The following ZC3HAV1 variants were observed in gnomAD, a reference collection of about 807,000 sequenced individuals.
ZC3HAV1 encodes the protein zinc finger CCCH-type containing, antiviral 1.
A neutral mutation model predicts 86.6 loss-of-function variants in ZC3HAV1; 41 were observed. That is an observed-to-expected ratio of 0.47 (90% CI 0.37 to 0.61). The LOEUF is 0.61. Ranked by LOEUF, ZC3HAV1 falls within the 20% of genes least tolerant of loss-of-function variation. The pLI is 0.00. For synonymous variants in ZC3HAV1, 421 were observed against 432.1 expected (o/e 0.97, Z 0.32); for missense variants, 964 against 1,141.1 (o/e 0.84, Z 2.24).
chr7:139,073,334 A>G (rs1816836459), intron 7 of ZC3HAV1, among the ~76,000 whole-genome samples: 1 of 151,924 alleles, frequency 6.6e-6, no homozygotes, highest in Admixed American at 6.6e-5. Context: ...AAAAATTAAT[A>G]TATACTTTAA....
chr7:139,078,797 A>G (rs1217597303), intron 4 of ZC3HAV1, 144 bp from the exon 5 acceptor site: 4 of 720,754 alleles, frequency 5.5e-6, no homozygotes, highest in Non-Finnish European at 8.8e-6. Flanking sequence ...GCCCATGAGC[A>G]TCTAGACAGC....
intron 5 of ZC3HAV1, 95 bp from the exon 6 acceptor site, chr7:139,076,504 C>T: frequency 6.6e-7 from 1 of 1,512,502 alleles, no homozygotes; most frequent in Non-Finnish European, 9.0e-7. Flanking sequence ...CCATGCCTGC[C>T]CTGCCCCCTG....
intron 1 of ZC3HAV1, among the ~76,000 whole-genome samples, chr7:139,106,807 G>A (rs1192919890): frequency 6.7e-6 from 1 of 150,256 alleles, no homozygotes; most frequent in Non-Finnish European, 1.5e-5. Context: ...ATGTTTTAGA[G>A]ATACTAAAGT....
At position 139,061,875 on chromosome 7, in the gene ZC3HAV1, T is replaced by C. The variant is rs186330929; in HGVS notation, c.1994-737A>G. 1.9e-3 allele frequency among the ~76,000 whole-genome samples: 288 copies of C among 152,342 alleles called. 7 individuals are homozygous for C. The highest frequency in any genetic ancestry group is 4.1e-3 in the Admixed American group (63 of 15,300). On this transcript the variant is annotated intron_variant, in intron 8 of 12. Coordinates refer to ENST00000242351, the MANE Select transcript of ZC3HAV1 (RefSeq NM_020119.4). ...AATAGCCTTACAATAACTTATTACT[T>C]ATTCCTCAGTGATAAAAGAGGAACA...
chr7:139,062,267 T>C (rs1257360457), intron 8 of ZC3HAV1, among the ~76,000 whole-genome samples: 2 of 152,012 alleles, frequency 1.3e-5, no homozygotes, highest in South Asian at 2.1e-4. Flanking sequence ...AATCAGATCA[T>C]GCCACAACAC....
Position 139,079,841 on chromosome 7 carries a change from T to G in ZC3HAV1, c.1100A>C (p.Asn367Thr). 6.2e-7 allele frequency: 1 copy of G among 1,614,158 alleles called. No individual in the cohort carries two copies. The highest frequency in any genetic ancestry group is 8.5e-7 in the Non-Finnish European group (1 of 1,180,032). ...AGTCTTTCTCCTGGCGCCTTGGTCA[T>G]TCGTCCAGGATGTGAGGCTCTTCCA... The part of the protein sequence containing the change: ...PNWKSLTSWT[N>T]DQGARRKTVF... The change falls in exon 4 of 13, where the codon AAT becomes ACT. Residue 367 changes from asparagine to threonine, a missense_variant. Physicochemically the swap from Asn to Thr is moderately conservative, Grantham distance 65. Coordinates refer to ENST00000242351, the MANE Select transcript of ZC3HAV1 (RefSeq NM_020119.4).
rs181506113 is a variant in ZC3HAV1 at position 139,083,684 on chromosome 7, G to A, written c.697+96C>T. ...AGAGGTTGCAGTGAGCTGAGATCAC[G>A]CCACTGTACTCCAGCTTGGGTGACA... is the stretch of plus-strand genomic sequence containing the variant. On this transcript the variant is annotated intron_variant, in intron 3 of 12. Coordinates refer to ENST00000242351, the MANE Select transcript of ZC3HAV1 (RefSeq NM_020119.4). 54 of 1,435,166 alleles carry A rather than the reference G, an allele frequency of 3.8e-5. 1 individual carries two copies. In the East Asian group the frequency reaches 8.5e-4, roughly 23 times the overall value. The allele number at this position is 1,435,166 out of a possible 1,614,324, so 88.9% of individuals were successfully genotyped here.
Position 139,053,457 on chromosome 7 carries a change from C to T in ZC3HAV1, c.2443G>A (p.Gly815Arg), listed in dbSNP as rs868542175. The T allele has an allele frequency of 6.9e-6, 11 of 1,590,962 alleles. No individual in the cohort carries two copies. The highest frequency in any genetic ancestry group is 1.7e-4 in the Middle Eastern group (1 of 5,954). Residue 815 changes from glycine to arginine, a missense_variant, in exon 12 of 13, where the codon GGA (glycine) becomes AGA (arginine). Transcript: ENST00000242351. ...TCTCTATCCCGGCACTAACCTTTTC[C>T]GTATTTGTTTTCATGAGTTTCATGT... ...FLHETHENKY[G>R]KGIYFAKDAI...
At chr7:139,093,150 AAAATGAG>A (rs1270888327) in intron 1 of ZC3HAV1, among the ~76,000 whole-genome samples, 1 of 152,228 alleles carries the variant, frequency 6.6e-6, no homozygotes, top group East Asian at 1.9e-4. Flanking sequence ...GATGACTGAT[AAAATGAG>A]AAATCAAAGG....
chr7:139,104,721 CAAA>C (rs1157897700), intron 1 of ZC3HAV1, among the ~76,000 whole-genome samples: 832 of 19,120 alleles, frequency 0.044, 5 homozygotes, highest in African/African-American at 0.11. Flanking sequence ...GACTCTGTCA[CAAA>C]AAAAAAAAAA....
chr7:139,101,116 A>G (rs1817746810), intron 1 of ZC3HAV1, among the ~76,000 whole-genome samples: 1 of 152,160 alleles, frequency 6.6e-6, no homozygotes, highest in South Asian at 2.1e-4. Context: ...AGGTGCCGGG[A>G]TGGCAGACGG....
chr7:139,053,836 A>G, intron 11 of ZC3HAV1, 129 bp downstream of exon 11: 1 of 1,288,474 alleles, frequency 7.8e-7, no homozygotes, highest in Non-Finnish European at 1.0e-6. Context: ...TGAAAAAAAA[A>G]AAAAAAGACT....
At chr7:139,057,175 C>G (rs1480719131) in intron 9 of ZC3HAV1, among the ~76,000 whole-genome samples, 1 of 151,960 alleles carries the variant, frequency 6.6e-6, no homozygotes, top group Admixed American at 6.6e-5. Context: ...ACAGTGGGAT[C>G]CCCCTCCCCA....
At chr7:139,097,410 A>ATTTTTTTTTTTTTTTTTTTTTTTTTTTT (rs1563140546) in intron 1 of ZC3HAV1, among the ~76,000 whole-genome samples, 1 of 73,178 alleles carries the variant, frequency 1.4e-5, no homozygotes. Context: ...CCATATATAT[A>ATTTTTTTTTTTTTTTTTTTTTTTTTTTT]TATATATATA....
At chr7:139,072,477 G>A (rs1287614197) in intron 7 of ZC3HAV1, among the ~76,000 whole-genome samples, 3 of 152,070 alleles carry the variant, frequency 2.0e-5, no homozygotes, top group Admixed American at 6.6e-5. Context: ...GTGAGCCACC[G>A]CACCCAGCCC....
chr7:139,062,944 G>T (rs972780389), intron 8 of ZC3HAV1, among the ~76,000 whole-genome samples: 1 of 144,270 alleles, frequency 6.9e-6, no homozygotes, highest in Non-Finnish European at 1.5e-5. Flanking sequence ...CAAGATAATT[G>T]CTTGAACCTG....
At chr7:139,097,423 TATA>T (rs1225708105) in intron 1 of ZC3HAV1, among the ~76,000 whole-genome samples, 20 of 84,960 alleles carry the variant, frequency 2.4e-4, no homozygotes, top group African/African-American at 9.1e-4. Context: ...TATATATATA[TATA>T]TATTTTTTTT....
In ZC3HAV1 at chr7:139,047,920, T is replaced by C; in HGVS notation, c.2450-67A>G. ...GAAGGTATACAGTTTATAAGATTTG[T>C]TATATACAGTCAGATGGGTGTGGAC... On this transcript the variant is annotated intron_variant, in intron 12 of 12. Transcript: ENST00000242351. 3 of 1,507,848 alleles carry C rather than the reference T, an allele frequency of 2.0e-6. No individual in the cohort carries two copies. The South Asian group carries it at 3.6e-5, about 18-fold the overall frequency. 93.4% of individuals were successfully genotyped at this position (1,507,848 alleles called of 1,614,324 possible).
At chr7:139,078,113 C>T (rs1817008117) in intron 5 of ZC3HAV1, among the ~76,000 whole-genome samples, 1 of 152,196 alleles carries the variant, frequency 6.6e-6, no homozygotes, top group Non-Finnish European at 1.5e-5. Flanking sequence ...GTGGCACACG[C>T]CTGTAACCCC....
Sources: gnomAD v4.1 joint callset for allele counts (sites outside exome capture counted in the v4.1 genomes callset) on GRCh38, gnomAD v4.1.1 for gene constraint, MANE v1.5 for transcripts, NCBI Gene and HGNC (gene_info 2026-07-23, HGNC 2026-07-21) for gene names.